Variants in SGPP1 observed in about 807,000 individuals in gnomAD.
The protein encoded by SGPP1 is sphingosine-1-phosphate phosphatase 1.
In SGPP1, 21 loss-of-function variants were observed where a neutral mutation model predicts 33.0. The observed-to-expected ratio is 0.64, with a 90% CI of 0.45 to 0.92. The LOEUF is 0.92. Ranked by LOEUF, SGPP1 falls within the 40% of genes least tolerant of loss-of-function variation. The probability of loss-of-function intolerance (pLI) is 0.00; values close to 1 mark genes in which losing one functional copy is unlikely to be tolerated. For missense variants in SGPP1, 543 were observed against 589.4 expected (o/e 0.92, Z 0.81); for synonymous variants, 239 against 241.2 (o/e 0.99, Z 0.08).
chr14:63,702,708 TA>T (rs1185655942), intron 1 of SGPP1, among the ~76,000 whole-genome samples: 1 of 151,364 alleles, frequency 6.6e-6, no homozygotes, highest in Non-Finnish European at 1.5e-5. Context: ...AGACTCTGTC[TA>T]AAAAAAAATT....
chr14:63,727,750 G>T lies in SGPP1; in HGVS notation c.195C>A (p.Gly65=). ...TGCGGTCGCTCCCGGGAGGCTGGGGGCCTCCAGGCGCCCCTGGCTGCCGCC... is the reference window on the plus strand; with the variant it reads ...TGCGGTCGCTCCCGGGAGGCTGGGGTCCTCCAGGCGCCCCTGGCTGCCGCC... ...LRGRQPGAPG[G]PQPPGSDRNQ... is the part of the protein sequence containing the mutation. Residue 65 remains glycine (G), a synonymous_variant, in exon 1 of 3, where the codon GGC becomes GGA. Transcript: ENST00000247225. 6.7e-7 allele frequency: 1 copy of T among 1,481,606 alleles called. No individual in the cohort carries two copies. Among genetic ancestry groups the T allele is most frequent in the Non-Finnish European group, 8.9e-7 (1 of 1,123,190 alleles). 91.8% of individuals were successfully genotyped at this position (1,481,606 alleles called of 1,614,324 possible).
intron 1 of SGPP1, among the ~76,000 whole-genome samples, chr14:63,707,532 C>T (rs1885440564): frequency 6.7e-6 from 1 of 148,160 alleles, no homozygotes; most frequent in Admixed American, 6.6e-5. Context: ...TCATTATCTA[C>T]TGATTTTTTT....
At chr14:63,715,448 C>T (rs1030496326) in intron 1 of SGPP1, among the ~76,000 whole-genome samples, 3 of 152,066 alleles carry the variant, frequency 2.0e-5, no homozygotes, top group Admixed American at 1.3e-4. Flanking sequence ...ACTTATGAAG[C>T]ATTCTGTTGT....
In SGPP1 at chr14:63,686,265, G is replaced by A; in HGVS notation, c.1166C>T (p.Pro389Leu). ...IRDVMKKITI[P>L]LACKIFNIPC... ...TATATTGAAGATTTTGCAGGCTAAA[G>A]GAATGGTGATCTTTTTCATTACATC... Residue 389 changes from proline to leucine, a missense_variant, in exon 3 of 3, where the codon CCT becomes CTT. Physicochemically the swap from Pro to Leu is moderately conservative, Grantham distance 98. Coordinates refer to ENST00000247225, the MANE Select transcript of SGPP1 (RefSeq NM_030791.4). 6.2e-7 allele frequency: 1 copy of A among 1,614,144 alleles called. No homozygotes were observed. The highest frequency in any genetic ancestry group is 8.5e-7 in the Non-Finnish European group (1 of 1,180,008).
chr14:63,698,715 CAAAT>C (rs1198960969), intron 1 of SGPP1, 57 bp from the exon 2 acceptor site: 13 of 967,666 alleles, frequency 1.3e-5, no homozygotes, highest in East Asian at 1.3e-4. Context: ...TATAAACAAA[CAAAT>C]AAAAGACAAA....
intron 1 of SGPP1, among the ~76,000 whole-genome samples, chr14:63,718,987 T>TATATAC (rs1885691676): frequency 1.2e-4 from 2 of 16,062 alleles, no homozygotes; most frequent in African/African-American, 3.2e-4. Flanking sequence ...CATATATATA[T>TATATAC]ATATATATAT....
intron 1 of SGPP1, among the ~76,000 whole-genome samples, chr14:63,714,773 T>G (rs1885586474): frequency 6.6e-6 from 1 of 151,380 alleles, no homozygotes; most frequent in Admixed American, 6.6e-5. Flanking sequence ...AGGGTCTCAC[T>G]GAGTTGCCCA....
rs181939960 is a variant in SGPP1 at position 63,693,867 on chromosome 14, G to A, written c.774+4702C>T. ...CCCACCTTGGCCTTGCAAATTGTTG[G>A]GATTATAGGCGTGGGCTGCTGTGCC... On this transcript the variant is annotated intron_variant, in intron 2 of 2. Transcript: ENST00000247225. 5.5e-4 allele frequency among the ~76,000 whole-genome samples: 84 copies of A among 152,130 alleles called. 1 individual carries two copies. In the East Asian group the frequency reaches 0.011, roughly 20 times the overall value.
chr14:63,702,779 T>C lies in SGPP1; in HGVS notation c.685-4121A>G, dbSNP rs534940671. On this transcript the variant is annotated intron_variant, in intron 1 of 2. Coordinates refer to ENST00000247225, the MANE Select transcript of SGPP1 (RefSeq NM_030791.4). ...TTCTGACTACATGATGACTTTCATA[T>C]TTACTCCCCATTGAATAACAGAATT... is the stretch of plus-strand genomic sequence containing the variant. Among the ~76,000 whole-genome samples, 331 of 152,228 alleles carry C rather than the reference T, an allele frequency of 2.2e-3. 1 individual carries two copies. Among genetic ancestry groups the C allele is most frequent in the African/African-American group, 7.6e-3 (317 of 41,558 alleles).
At chr14:63,716,500 AC>A (rs1178190969) in intron 1 of SGPP1, among the ~76,000 whole-genome samples, 2 of 152,046 alleles carry the variant, frequency 1.3e-5, no homozygotes, top group African/African-American at 4.8e-5. Context: ...TCTCAAAAAA[AC>A]AAACAAAAAA....
chr14:63,720,850 A>T (rs1413551011), intron 1 of SGPP1, among the ~76,000 whole-genome samples: 1 of 152,216 alleles, frequency 6.6e-6, no homozygotes, highest in Non-Finnish European at 1.5e-5. Context: ...TCTAACACTG[A>T]ATCCTTCAGA....
intron 1 of SGPP1, among the ~76,000 whole-genome samples, chr14:63,707,637 G>A (rs1171485165): frequency 6.6e-6 from 1 of 151,522 alleles, no homozygotes; most frequent in African/African-American, 2.4e-5. Flanking sequence ...CCGGGTTCAA[G>A]CAATTCTCCT....
intron 1 of SGPP1, among the ~76,000 whole-genome samples, chr14:63,701,179 C>T (rs745470759): frequency 2.7e-4 from 41 of 152,044 alleles, no homozygotes; most frequent in Non-Finnish European, 5.1e-4. Flanking sequence ...GACAGGGTCT[C>T]GCCATGTTGC....
At chr14:63,726,000 T>C (rs1885869961) in intron 1 of SGPP1, among the ~76,000 whole-genome samples, 1 of 152,230 alleles carries the variant, frequency 6.6e-6, no homozygotes, top group Non-Finnish European at 1.5e-5. Flanking sequence ...AATCTGAACA[T>C]CACCGTATAG....
chr14:63,686,758 A>G (rs2139622696), intron 2 of SGPP1, 102 bp from the exon 3 acceptor site: 2 of 861,114 alleles, frequency 2.3e-6, no homozygotes, highest in African/African-American at 1.7e-5. Context: ...ATATACATAA[A>G]TTTTTTAAAG....
At chr14:63,707,062 C>T (rs1478606839) in intron 1 of SGPP1, among the ~76,000 whole-genome samples, 1 of 132,464 alleles carries the variant, frequency 7.5e-6, no homozygotes, top group South Asian at 2.5e-4. Flanking sequence ...AAAAAAAAAA[C>T]TGACCCATAT....
chr14:63,715,545 A>T (rs1397031111), intron 1 of SGPP1, among the ~76,000 whole-genome samples: 1 of 152,188 alleles, frequency 6.6e-6, no homozygotes, highest in Non-Finnish European at 1.5e-5. Context: ...GAAAAGGGAA[A>T]CAAATGAGCC....
intron 1 of SGPP1, among the ~76,000 whole-genome samples, chr14:63,725,111 G>A (rs376665115): frequency 8.5e-5 from 13 of 152,280 alleles, no homozygotes; most frequent in Admixed American, 2.6e-4. Flanking sequence ...AGTGGCTCAC[G>A]CCTGTAATCC....
intron 1 of SGPP1, among the ~76,000 whole-genome samples, chr14:63,717,476 C>T (rs1038653660): frequency 7.9e-5 from 12 of 152,110 alleles, no homozygotes; most frequent in Middle Eastern, 3.2e-3. Context: ...CACCCACCAT[C>T]ATGCCCGGCT....
Sources: allele counts gnomAD v4.1 joint callset (sites outside exome capture counted in the v4.1 genomes callset), GRCh38; gene constraint gnomAD v4.1.1; transcripts MANE v1.5; gene names NCBI Gene and HGNC (gene_info 2026-07-23, HGNC 2026-07-21).